GLIS3: variants seen among roughly 807,000 people sequenced by gnomAD.
The protein encoded by GLIS3 is zinc finger protein GLIS3.
In GLIS3, 53 loss-of-function variants were observed where a neutral mutation model predicts 78.6. The observed-to-expected ratio is 0.67, with a 90% CI of 0.54 to 0.85. The LOEUF (loss-of-function observed/expected upper bound fraction) is 0.85, where lower values mean the gene tolerates loss of function less well. Among genes scored for constraint, GLIS3 ranks in the 40% least tolerant of loss-of-function variants. The pLI is 0.00. For missense variants in GLIS3, 1,703 were observed against 1,231.1 expected (o/e 1.38, Z -5.74); for synonymous variants, 684 against 509.9 (o/e 1.34, Z -4.60).
intron 2 of GLIS3, among the ~76,000 whole-genome samples, chr9:4,214,091 G>A (rs540975834): frequency 1.3e-5 from 2 of 152,194 alleles, no homozygotes; most frequent in South Asian, 4.1e-4. Flanking sequence ...CTTTGCCACA[G>A]CCTCTGCTGC....
At chr9:4,432,012 G>T in the GLIS3 span, among the ~76,000 whole-genome samples, 1 of 152,098 alleles carries the variant, frequency 6.6e-6, no homozygotes. Flanking sequence ...TACAAAATCA[G>T]GCAGCAGGAC....
At chr9:4,429,683 C>A in the GLIS3 span, among the ~76,000 whole-genome samples, 1 of 152,146 alleles carries the variant, frequency 6.6e-6, no homozygotes, top group Non-Finnish European at 1.5e-5. Flanking sequence ...AGGATAGAGA[C>A]TGAGTCTGTT....
chr9:3,990,297 C>T (rs1042090479), intron 4 of GLIS3, among the ~76,000 whole-genome samples: 2 of 152,096 alleles, frequency 1.3e-5, no homozygotes, highest in Non-Finnish European at 2.9e-5. Flanking sequence ...AGAATCATTC[C>T]GGAGGAAGGG....
chr9:3,869,797 C>T (rs1288609166), intron 8 of GLIS3, among the ~76,000 whole-genome samples: 1 of 152,114 alleles, frequency 6.6e-6, no homozygotes, highest in African/African-American at 2.4e-5. Context: ...GGTTCCTGCT[C>T]ACCAAAAGCT....
intron 2 of GLIS3, among the ~76,000 whole-genome samples, chr9:4,184,301 T>C (rs911631693): frequency 6.6e-6 from 1 of 152,166 alleles, no homozygotes. Context: ...GATATGTGAC[T>C]GCACAAGGAT....
chr9:4,125,893 C>G lies in GLIS3; in HGVS notation c.437G>C (p.Cys146Ser), dbSNP rs1398239530. The G allele has an allele frequency of 6.2e-7, 1 of 1,614,054 alleles. No individual in the cohort carries two copies. Among genetic ancestry groups the G allele is most frequent in the Admixed American group, 1.7e-5 (1 of 60,016 alleles). The change falls in exon 3 of 11, where the codon TGC (cysteine) becomes TCC (serine). Residue 146 changes from cysteine (C) to serine (S), a missense_variant. By Grantham distance (112) the Cys-to-Ser change is moderately radical. Coordinates refer to ENST00000381971, the MANE Select transcript of GLIS3 (RefSeq NM_001042413.2). ...ACTGCTGGTGACCACTAGATTGTTG[C>G]AGCTGCCTTTTCCAATGGACTTGCA... ...PQCKSIGKGS[C>S]NNLVVTSSPM... is the part of the protein sequence containing the mutation.
the GLIS3 span, among the ~76,000 whole-genome samples, chr9:4,418,317 G>A: frequency 6.6e-6 from 1 of 152,202 alleles, no homozygotes; most frequent in South Asian, 2.1e-4. Context: ...CCTCAGGAGG[G>A]AAAGATAGAC....
the GLIS3 span, among the ~76,000 whole-genome samples, chr9:4,457,339 C>T: frequency 1.5e-3 from 224 of 149,590 alleles, 3 homozygotes; most frequent in African/African-American, 5.4e-3. Flanking sequence ...CCAGCCTGGG[C>T]GACAGAGTGA....
At chr9:3,841,024 C>T (rs781759518) in intron 9 of GLIS3, among the ~76,000 whole-genome samples, 21 of 152,140 alleles carry the variant, frequency 1.4e-4, no homozygotes, top group East Asian at 1.9e-4. Context: ...GGGATGGGAA[C>T]GGGCAGAGCA....
chr9:4,123,854 A>G (rs757573636), intron 3 of GLIS3: 2 of 398,206 alleles, frequency 5.0e-6, no homozygotes, highest in Non-Finnish European at 4.4e-6. Flanking sequence ...TCTACAGTGA[A>G]TAAGAATTAC....
At chr9:4,214,368 G>T (rs547315984) in intron 2 of GLIS3, among the ~76,000 whole-genome samples, 11 of 152,288 alleles carry the variant, frequency 7.2e-5, no homozygotes, top group Admixed American at 5.9e-4. Context: ...ACATCTTCTG[G>T]ATTACTTAGT....
At chr9:3,885,802 G>A (rs1042135226) in intron 7 of GLIS3, among the ~76,000 whole-genome samples, 3 of 152,156 alleles carry the variant, frequency 2.0e-5, no homozygotes, top group East Asian at 1.9e-4. Flanking sequence ...ATCAGAAATC[G>A]GGCACTTTAT....
the GLIS3 span, among the ~76,000 whole-genome samples, chr9:4,467,936 G>C: frequency 4.6e-5 from 7 of 152,138 alleles, no homozygotes. Context: ...GCATAGAGAA[G>C]ACCTTAAATG....
At chr9:3,949,100 A>G (rs951041680) in intron 4 of GLIS3, among the ~76,000 whole-genome samples, 3 of 152,194 alleles carry the variant, frequency 2.0e-5, no homozygotes, top group African/African-American at 7.2e-5. Context: ...TGTAATTCCA[A>G]AGGAATGTTA....
intron 2 of GLIS3, among the ~76,000 whole-genome samples, chr9:4,150,190 C>G (rs1283299833): frequency 2.6e-5 from 4 of 152,134 alleles, no homozygotes; most frequent in Non-Finnish European, 4.4e-5. Context: ...AACCAACCTA[C>G]CTTAAAAACA....
At chr9:4,183,506 A>T (rs971250223) in intron 2 of GLIS3, among the ~76,000 whole-genome samples, 1 of 152,204 alleles carries the variant, frequency 6.6e-6, no homozygotes, top group Non-Finnish European at 1.5e-5. Flanking sequence ...TGAAGGAAGC[A>T]GCGATCCTGA....
chr9:4,218,364 T>C (rs939471120), intron 2 of GLIS3, among the ~76,000 whole-genome samples: 2 of 152,112 alleles, frequency 1.3e-5, no homozygotes, highest in African/African-American at 4.8e-5. Context: ...CTGCAAGCTC[T>C]GCCTCCCGGG....
chr9:4,199,624 T>C (rs958806656), intron 2 of GLIS3, among the ~76,000 whole-genome samples: 2 of 151,726 alleles, frequency 1.3e-5, no homozygotes, highest in South Asian at 2.1e-4. Context: ...TAAATACATA[T>C]GCACCTAACA....
At chr9:4,390,297 GA>G in the GLIS3 span, among the ~76,000 whole-genome samples, 1 of 152,186 alleles carries the variant, frequency 6.6e-6, no homozygotes, top group Non-Finnish European at 1.5e-5. Flanking sequence ...CTATGTGCAG[GA>G]AAGAGCATAA....
Sources: allele counts gnomAD v4.1 joint callset (sites outside exome capture counted in the v4.1 genomes callset), GRCh38; gene constraint gnomAD v4.1.1; transcripts MANE v1.5; gene names NCBI Gene and HGNC (gene_info 2026-07-23, HGNC 2026-07-21).